The following AGXT2 variants were observed in gnomAD, a reference collection of about 807,000 sequenced individuals.
AGXT2 encodes the protein alanine--glyoxylate aminotransferase 2, mitochondrial.
In AGXT2, 61 loss-of-function variants were observed where a neutral mutation model predicts 62.5. The observed-to-expected ratio is 0.98, with a 90% confidence interval of 0.79 to 1.21. AGXT2 has a LOEUF of 1.21. AGXT2 is among the 50% of genes most tolerant of loss of function. The pLI is 0.00. For synonymous variants in AGXT2, 243 were observed against 218.7 expected, an observed-to-expected ratio of 1.11 and a Z score of -0.98; for missense variants, 666 against 641.5, an observed-to-expected ratio of 1.04 and a Z score of -0.41.
chr5:35,037,037 G>A lies in AGXT2; in HGVS notation c.391C>T (p.Leu131Phe), dbSNP rs780540573. Residue 131 changes from leucine (L) to phenylalanine (F), a missense_variant, in exon 4 of 14, where the codon CTC becomes TTC. By Grantham distance (22) the Leu-to-Phe change is conservative. Transcript: ENST00000231420. Reference protein sequence around the residue: ...PKVNAVAQKQLGRLWHTSTVF... With the variant: ...PKVNAVAQKQFGRLWHTSTVF... ...GTGCTTGTATGCCACAGGCGGCCGAGCTGCTTTTGTGCCACTGCATTCACC... is the reference window on the plus strand; with the variant it reads ...GTGCTTGTATGCCACAGGCGGCCGAACTGCTTTTGTGCCACTGCATTCACC... 6.2e-7 allele frequency: 1 copy of A among 1,614,172 alleles called. No homozygotes were observed.
chr5:35,040,763 A>C (rs1767955061), intron 1 of AGXT2, 100 bp from the exon 2 acceptor site: 3 of 930,686 alleles, frequency 3.2e-6, no homozygotes, highest in Non-Finnish European at 5.3e-6. Flanking sequence ...AGATAATTTT[A>C]TTTCTTAGTT....
chr5:35,012,578 A>G lies in AGXT2; in HGVS notation c.1188+376T>C, dbSNP rs545311660. The G allele has an allele frequency of 6.1e-5, 19 of 310,192 alleles. 1 individual carries two copies. The highest frequency in any genetic ancestry group is 4.1e-4 in the African/African-American group (19 of 46,320). 19.2% of individuals were successfully genotyped at this position (310,192 alleles called of 1,614,324 possible). The stretch of plus-strand genomic sequence containing the variant: ...TGTCTCCTTAGTCATTCAATTTATA[A>G]TAGTACAACAAAAGGAAGGAAGAAA... On this transcript the variant is annotated intron_variant, in intron 11 of 13. Coordinates refer to ENST00000231420, the MANE Select transcript of AGXT2 (RefSeq NM_031900.4).
chr5:35,007,742 A>G (rs1405087590), intron 12 of AGXT2, among the ~76,000 whole-genome samples: 1 of 152,168 alleles, frequency 6.6e-6, no homozygotes, highest in African/African-American at 2.4e-5. Context: ...ACCTTGCTAT[A>G]GTTTGGATAT....
intron 3 of AGXT2, among the ~76,000 whole-genome samples, chr5:35,038,971 A>G (rs551104143): frequency 1.3e-5 from 2 of 152,258 alleles, no homozygotes; most frequent in South Asian, 4.1e-4. Flanking sequence ...CTCGCCTGAC[A>G]AGCCTGTCAT....
At chr5:35,018,978 G>GACC (rs1233881461) in intron 9 of AGXT2, among the ~76,000 whole-genome samples, 2 of 118,524 alleles carry the variant, frequency 1.7e-5, no homozygotes, top group African/African-American at 8.3e-5. Context: ...AGACAAAGAA[G>GACC]ACCATTACAT....
chr5:35,027,491 A>G (rs570592967), intron 7 of AGXT2, among the ~76,000 whole-genome samples: 1 of 152,216 alleles, frequency 6.6e-6, no homozygotes, highest in Non-Finnish European at 1.5e-5. Flanking sequence ...TTGCTTTCTT[A>G]TTCTTCACAG....
At chr5:35,046,273 G>T (rs1357613365) in intron 1 of AGXT2, among the ~76,000 whole-genome samples, 1 of 152,176 alleles carries the variant, frequency 6.6e-6, no homozygotes, top group Non-Finnish European at 1.5e-5. Context: ...CTCTTGCTAG[G>T]TCAACAGCTG....
Position 35,019,849 on chromosome 5 carries a change from G to C in AGXT2, c.964-5730C>G, listed in dbSNP as rs1027100237. Among the ~76,000 whole-genome samples the C allele has an allele frequency of 3.0e-3, 454 of 152,200 alleles. 13 individuals are homozygous for C. The highest frequency in any genetic ancestry group is 0.027 in the Admixed American group (409 of 15,294). ...AGCAAGACTAATAAAGAAAAAAAGA[G>C]AGAAGAATCAAATAGATGCAATAAA... On this transcript the variant is annotated intron_variant, in intron 9 of 13. Coordinates refer to ENST00000231420, the MANE Select transcript of AGXT2 (RefSeq NM_031900.4).
chr5:35,011,748 G>A (rs986864462), intron 11 of AGXT2, among the ~76,000 whole-genome samples: 5 of 151,782 alleles, frequency 3.3e-5, no homozygotes, highest in Admixed American at 6.6e-5. Flanking sequence ...TCTATCCTTC[G>A]GTCCAGCAAT....
chr5:34,998,785 T>C lies in AGXT2; in HGVS notation c.1479A>G (p.Glu493=). Residue 493 remains glutamate (E), a synonymous_variant, in exon 14 of 14, where the codon GAA becomes GAG. Coordinates refer to ENST00000231420, the MANE Select transcript of AGXT2 (RefSeq NM_031900.4). The part of the protein sequence containing the change: ...IAPSMCITKP[E]VDFAVEVFRS... ...GAAATACTTCTACTGCAAAATCAAC[T>C]TCTGGTTTAGTGATGCACATTGAGG... The C allele has an allele frequency of 6.2e-7, 1 of 1,614,056 alleles. No individual in the cohort carries two copies. The highest frequency in any genetic ancestry group is 8.5e-7 in the Non-Finnish European group (1 of 1,180,026).
At chr5:35,016,478 G>A (rs949458481) in intron 9 of AGXT2, among the ~76,000 whole-genome samples, 8 of 152,146 alleles carry the variant, frequency 5.3e-5, no homozygotes, top group Non-Finnish European at 7.4e-5. Context: ...ATTTATAACA[G>A]TATTGTAACC....
At position 34,998,308 on chromosome 5, in the gene AGXT2, G is replaced by A. The variant is rs1011463503; in HGVS notation, c.*411C>T. 12 of 254,208 alleles carry A rather than the reference G, an allele frequency of 4.7e-5. No homozygotes were observed. Among genetic ancestry groups the A allele is most frequent in the African/African-American group, 1.3e-4 (6 of 44,556 alleles). The allele number at this position is 254,208 out of a possible 1,614,324, so 15.7% of individuals were successfully genotyped here. A position where few individuals can be genotyped will look rare whatever the true frequency, so the allele number is the denominator to read the frequency against. On this transcript the variant is annotated 3_prime_UTR_variant, in exon 14 of 14. Transcript: ENST00000231420. ...GTCATGAACATATGGTGTTCTCAGC[G>A]CAACAAGAAGACATCTCTTCTTGAA...
intron 6 of AGXT2, 101 bp from the exon 7 acceptor site, chr5:35,032,926 TC>T: frequency 5.5e-6 from 5 of 917,284 alleles, no homozygotes; most frequent in Non-Finnish European, 8.7e-6. Context: ...TTCTTAGTTT[TC>T]CTCCCTCATT....
Position 35,010,053 on chromosome 5 carries a change from C to T in AGXT2, c.1285G>A (p.Gly429Arg). The change falls in exon 12 of 14, where the codon GGA becomes AGA. Residue 429 changes from glycine to arginine, a missense_variant. Gly to Arg is a moderately radical substitution (Grantham distance 125). Coordinates refer to ENST00000231420, the MANE Select transcript of AGXT2 (RefSeq NM_031900.4). ...ATGAGACCTTTGCCTCGGACGTCTC[C>T]AACAATTTCAAATTCATCCCGCAGC... ...AKLRDEFEIV[G>R]DVRGKGLMIG... 1 of 1,614,212 alleles carries T rather than the reference C, an allele frequency of 6.2e-7. No homozygotes were observed. Among genetic ancestry groups the T allele is most frequent in the South Asian group, 1.1e-5 (1 of 91,084 alleles).
intron 2 of AGXT2, 31 bp from the exon 3 acceptor site, chr5:35,039,539 C>G (rs1273612861): frequency 6.2e-7 from 1 of 1,605,302 alleles, no homozygotes; most frequent in Admixed American, 1.7e-5. Context: ...AACCCACACA[C>G]TTCTTACAAG....
intron 3 of AGXT2, among the ~76,000 whole-genome samples, chr5:35,037,428 T>G (rs1767819321): frequency 6.6e-6 from 1 of 152,230 alleles, no homozygotes; most frequent in Non-Finnish European, 1.5e-5. Flanking sequence ...GTTGTAAGCC[T>G]GAGTTCTTTC....
chr5:35,022,338 G>T (rs929354495), intron 9 of AGXT2, among the ~76,000 whole-genome samples: 8 of 151,808 alleles, frequency 5.3e-5, no homozygotes, highest in African/African-American at 1.9e-4. Context: ...GTCCAACAAT[G>T]ATAGACTGGA....
intron 1 of AGXT2, among the ~76,000 whole-genome samples, chr5:35,042,919 A>G (rs890384319): frequency 3.3e-5 from 5 of 152,236 alleles, no homozygotes; most frequent in African/African-American, 9.6e-5. Flanking sequence ...ACCAGACGAC[A>G]GCTAATGATT....
At chr5:35,038,187 G>A (rs1026565407) in intron 3 of AGXT2, among the ~76,000 whole-genome samples, 1 of 152,214 alleles carries the variant, frequency 6.6e-6, no homozygotes, top group African/African-American at 2.4e-5. Context: ...GGAAACTCCT[G>A]TGATCAGTGT....
Sources: allele counts gnomAD v4.1 joint callset (sites outside exome capture counted in the v4.1 genomes callset), GRCh38; gene constraint gnomAD v4.1.1; transcripts MANE v1.5; gene names NCBI Gene and HGNC (gene_info 2026-07-23, HGNC 2026-07-21).